ST18: variants seen among roughly 807,000 people sequenced by gnomAD.
ST18 encodes the protein suppression of tumorigenicity 18 protein.
ST18 carries 50 observed loss-of-function variants against 110.0 expected under a neutral mutation model. The observed-to-expected ratio is 0.45, with a 90% CI of 0.36 to 0.58. ST18 has a LOEUF of 0.58. Ranked by LOEUF, ST18 falls within the 20% of genes least tolerant of loss-of-function variation. The probability of loss-of-function intolerance (pLI) is 0.00; values close to 1 mark genes in which losing one functional copy is unlikely to be tolerated. For synonymous variants in ST18, 461 were observed against 452.4 expected (o/e 1.02, Z -0.24); for missense variants, 1,306 against 1,280.1 (o/e 1.02, Z -0.31).
At chr8:52,284,369 A>G (rs2095434545) in intron 2 of ST18, among the ~76,000 whole-genome samples, 1 of 152,212 alleles carries the variant, frequency 6.6e-6, no homozygotes, top group Non-Finnish European at 1.5e-5. Context: ...ATCATCTCTG[A>G]CACAGCTTCT....
At chr8:52,190,791 A>C (rs1296075732) in intron 8 of ST18, among the ~76,000 whole-genome samples, 1 of 152,126 alleles carries the variant, frequency 6.6e-6, no homozygotes, top group Non-Finnish European at 1.5e-5. Flanking sequence ...TGCTAAGGAG[A>C]ACAGAGAAGC....
At chr8:52,398,795 G>A (rs952232080) in intron 2 of ST18, among the ~76,000 whole-genome samples, 6 of 152,012 alleles carry the variant, frequency 3.9e-5, no homozygotes, top group Non-Finnish European at 7.4e-5. Flanking sequence ...AATAAACTTG[G>A]TCATGATGTA....
intron 3 of ST18, among the ~76,000 whole-genome samples, chr8:52,228,190 G>A (rs1032483421): frequency 3.3e-5 from 5 of 152,064 alleles, no homozygotes; most frequent in Admixed American, 6.5e-5. Context: ...TAGATTTTAT[G>A]GTTAGATTTT....
chr8:52,180,044 A>G, intron 9 of ST18, 78 bp downstream of exon 9: 1 of 1,427,412 alleles, frequency 7.0e-7, no homozygotes, highest in Non-Finnish European at 9.6e-7. Context: ...AACCATACAA[A>G]CCACACACTC....
At position 52,116,293 on chromosome 8, in the gene ST18, G is replaced by A. The variant is rs2042514202; in HGVS notation, c.2985C>T (p.Asp995=). The A allele has an allele frequency of 6.2e-7, 1 of 1,613,690 alleles. No homozygotes were observed. The highest frequency in any genetic ancestry group is 8.5e-7 in the Non-Finnish European group (1 of 1,179,864). The change falls in exon 25 of 26, where the codon GAC becomes GAT. Residue 995 remains aspartate (D), a synonymous_variant. Transcript: ENST00000689386. ...AACTTACCATCTGTGGAAGCTGGAT[G>A]TCAGCAAGGCTTGAAATGAGAGCTT... ...LSQALISSLA[D]IQLPQMGPIS... is the part of the protein sequence containing the mutation.
intron 2 of ST18, among the ~76,000 whole-genome samples, chr8:52,313,978 G>A (rs1032597209): frequency 3.9e-5 from 6 of 152,144 alleles, no homozygotes; most frequent in Non-Finnish European, 7.4e-5. Flanking sequence ...ACGGGAGTGC[G>A]GTCAGCTGAT....
chr8:52,390,811 G>T (rs1839067283), intron 2 of ST18, among the ~76,000 whole-genome samples: 1 of 152,218 alleles, frequency 6.6e-6, no homozygotes, highest in African/African-American at 2.4e-5. Context: ...TGCAAACACG[G>T]CCTGGCCCAT....
intron 2 of ST18, among the ~76,000 whole-genome samples, chr8:52,351,832 TC>T (rs1171881273): frequency 8.5e-5 from 13 of 152,298 alleles, no homozygotes; most frequent in African/African-American, 3.1e-4. Context: ...CAATGAACAA[TC>T]AGTTAAAACT....
chr8:52,262,785 C>T (rs1248591550), intron 2 of ST18, among the ~76,000 whole-genome samples: 3 of 152,240 alleles, frequency 2.0e-5, no homozygotes, highest in African/African-American at 7.2e-5. Context: ...TGCCTTACCT[C>T]CTACTCGCTG....
intron 2 of ST18, among the ~76,000 whole-genome samples, chr8:52,252,658 C>T (rs1308705227): frequency 6.6e-6 from 1 of 151,888 alleles, no homozygotes; most frequent in Admixed American, 6.6e-5. Flanking sequence ...AAATGATGCT[C>T]CTACCATAAC....
chr8:52,216,509 A>C (rs7845620), intron 6 of ST18, among the ~76,000 whole-genome samples: 30,276 of 152,178 alleles, frequency 0.2, 3,385 homozygotes, highest in Middle Eastern at 0.29. Context: ...CCATAATATA[A>C]AACTCAACTG....
chr8:52,339,194 T>C lies in ST18; in HGVS notation c.-465+70134A>G, dbSNP rs1003070717. Among the ~76,000 whole-genome samples the C allele has an allele frequency of 5.3e-5, 8 of 152,154 alleles. No homozygotes were observed. The South Asian group carries it at 1.7e-3, about 32-fold the overall frequency. ...GCTGTAGGACTGAGTCCCTGTTCTCTTGCTGGCTGGCACCAGGCTGCTCTG... is the reference window on the plus strand; with the variant it reads ...GCTGTAGGACTGAGTCCCTGTTCTCCTGCTGGCTGGCACCAGGCTGCTCTG... On this transcript the variant is annotated intron_variant, in intron 2 of 25. Transcript: ENST00000689386.
intron 2 of ST18, among the ~76,000 whole-genome samples, chr8:52,341,453 C>G (rs866627460): frequency 4.6e-5 from 7 of 152,192 alleles, no homozygotes; most frequent in Non-Finnish European, 5.9e-5. Flanking sequence ...CTAAAGAAGT[C>G]CGCATCCTAA....
chr8:52,310,958 G>A (rs890353868), intron 2 of ST18, among the ~76,000 whole-genome samples: 9 of 152,220 alleles, frequency 5.9e-5, no homozygotes, highest in African/African-American at 1.2e-4. Context: ...CTGAGGTAGT[G>A]TGGTGAGCAC....
chr8:52,250,445 CAAAAAAA>C (rs1159770176), intron 2 of ST18, among the ~76,000 whole-genome samples: 2 of 4,272 alleles, frequency 4.7e-4, no homozygotes, highest in African/African-American at 9.8e-4. Context: ...GCCTCAAAGG[CAAAAAAA>C]AAAAAAAAAA....
intron 2 of ST18, among the ~76,000 whole-genome samples, chr8:52,234,937 G>A (rs2092387550): frequency 6.6e-6 from 1 of 152,058 alleles, no homozygotes; most frequent in African/African-American, 2.4e-5. Context: ...GCGTAAGAAT[G>A]ATATAATGGA....
intron 2 of ST18, chr8:52,408,960 G>C (rs1197152656): frequency 6.6e-6 from 1 of 152,230 alleles, no homozygotes; most frequent in African/African-American, 2.4e-5. Flanking sequence ...AATAGAAAGT[G>C]AGTCAGTCCC....
chr8:52,163,148 A>T (rs1201252260), intron 13 of ST18, among the ~76,000 whole-genome samples: 3 of 152,228 alleles, frequency 2.0e-5, no homozygotes, highest in East Asian at 3.8e-4. Context: ...ATTGCTACTT[A>T]TTCAGTAATT....
At chr8:52,131,915 C>A (rs777681058) in intron 22 of ST18, 43 bp downstream of exon 22, 1 of 1,598,032 alleles carries the variant, frequency 6.3e-7, no homozygotes, top group Admixed American at 1.7e-5. Context: ...TAGGCGACAA[C>A]CGATCACAAC....
Sources: gnomAD v4.1 joint callset for allele counts (sites outside exome capture counted in the v4.1 genomes callset) on GRCh38, gnomAD v4.1.1 for gene constraint, MANE v1.5 for transcripts, NCBI Gene and HGNC (gene_info 2026-07-23, HGNC 2026-07-21) for gene names.